Variants in ADAR observed in about 807,000 individuals in gnomAD.
The protein encoded by ADAR is double-stranded RNA-specific adenosine deaminase.
ADAR carries 41 observed loss-of-function variants against 113.2 expected under a neutral mutation model. The observed-to-expected ratio is 0.36, with a 90% CI of 0.28 to 0.47. The LOEUF (loss-of-function observed/expected upper bound fraction) is 0.47. Ranked by LOEUF, ADAR falls within the 20% of genes least tolerant of loss-of-function variation. The pLI, the probability that ADAR is intolerant of heterozygous loss-of-function variation, is 1.00. For synonymous variants in ADAR, 605 were observed against 572.6 expected (o/e 1.06, Z -0.81); for missense variants, 1,242 against 1,540.9 (o/e 0.81, Z 3.25).
chr1:154,588,765 A>G (rs1486980098), intron 9 of ADAR, 92 bp from the exon 10 acceptor site: 2 of 1,556,064 alleles, frequency 1.3e-6, no homozygotes, highest in African/African-American at 2.7e-5. Context: ...AAAGTAAGGA[A>G]AAGTCTCAAT....
At chr1:154,600,828 T>C (rs1697820785) in intron 2 of ADAR, 3 of 664,858 alleles carry the variant, frequency 4.5e-6, no homozygotes, top group Non-Finnish European at 7.7e-6. Flanking sequence ...ACCTCCCCCT[T>C]GTTCAGCCAA....
chr1:154,590,507 C>T, intron 6 of ADAR, 98 bp from the exon 7 acceptor site: 1 of 1,163,796 alleles, frequency 8.6e-7, no homozygotes, highest in Non-Finnish European at 1.3e-6. Flanking sequence ...GTCTTGCAAA[C>T]ATATGGACCC....
chr1:154,589,314 G>A, intron 9 of ADAR, 55 bp downstream of exon 9: 1 of 1,404,702 alleles, frequency 7.1e-7, no homozygotes, highest in Non-Finnish European at 1.0e-6. Flanking sequence ...TGTGGGGCAG[G>A]GAACTGGAGC....
chr1:154,622,160 C>T lies in ADAR; in HGVS notation c.-871+5695G>A, dbSNP rs116739661. On this transcript the variant is annotated intron_variant, in intron 1 of 14. Transcript: ENST00000368471. ...GAGTGGGCTCTGAGCCACTGATTCC[C>T]CACCTGGCTCTGCCACATATCCTGC... Among the ~76,000 whole-genome samples, 1,183 of 152,236 alleles carry T rather than the reference C, an allele frequency of 7.8e-3. 21 individuals are homozygous for T. The highest frequency in any genetic ancestry group is 0.027 in the African/African-American group (1,114 of 41,540).
chr1:154,592,048 TGATA>T (rs1221765727), intron 6 of ADAR, among the ~76,000 whole-genome samples: 3 of 152,212 alleles, frequency 2.0e-5, no homozygotes, highest in Admixed American at 1.3e-4. Context: ...TTTACATATA[TGATA>T]AAGTTTGTTA....
At chr1:154,617,511 G>A (rs923320955) in intron 1 of ADAR, among the ~76,000 whole-genome samples, 5 of 152,098 alleles carry the variant, frequency 3.3e-5, no homozygotes, top group African/African-American at 7.2e-5. Flanking sequence ...AGATGTGTGA[G>A]GACCCCTTAA....
In ADAR at chr1:154,598,462, G is replaced by A. The variant is rs144279106; in HGVS notation, c.1725C>T (p.Ala575=). 3.5e-4 allele frequency: 568 copies of A among 1,614,070 alleles called. No individual in the cohort carries two copies. The highest frequency in any genetic ancestry group is 4.7e-4 in the Non-Finnish European group (556 of 1,180,044). ...AMTILLEEAK[A]KDSGKSEESS... is the part of the protein sequence containing the mutation. ...ATTCTTCTGATTTTCCACTGTCCTT[G>A]GCTTTGGCTTCCTCTAGCAGAATTG... The change falls in exon 3 of 15, where the codon GCC becomes GCT. Residue 575 remains alanine, a synonymous_variant. Transcript: ENST00000368474.
At chr1:154,589,564 A>T in intron 8 of ADAR, 102 bp from the exon 9 acceptor site, 2 of 1,229,228 alleles carry the variant, frequency 1.6e-6, no homozygotes, top group Non-Finnish European at 2.4e-6. Context: ...AAACAGCCTC[A>T]GTTTCTCAGA....
rs1336346970 is a variant in ADAR at position 154,599,121 on chromosome 1, G to A, written c.1602-536C>T. Among the ~76,000 whole-genome samples the A allele has an allele frequency of 2.0e-5, 3 of 152,258 alleles. No individual in the cohort carries two copies. In the East Asian group the frequency reaches 5.8e-4, roughly 29 times the overall value. On this transcript the variant is annotated intron_variant, in intron 2 of 14. Transcript: ENST00000368474. The stretch of plus-strand genomic sequence containing the variant: ...CCTATATCACCGTAGTTTGTTATGA[G>A]TCACTCTATAGCACCATTTGTCTCC...
rs368948193 is a variant in ADAR at position 154,588,667 on chromosome 1, G to A, written c.2769C>T (p.Leu923=). The change falls in exon 10 of 15, where the codon CTC becomes CTT. Residue 923 remains leucine (L), a synonymous_variant. Transcript: ENST00000368474. ...AGTTGTATTTCATTAACTCACTGTA[G>A]AGAAACCTACAAAAAGAAAGTCTGG... The part of the protein sequence containing the change: ...IISRRGFIRF[L]YSELMKYNSQ... The A allele has an allele frequency of 3.7e-6, 6 of 1,614,154 alleles. No individual in the cohort carries two copies. In the East Asian group the frequency reaches 6.7e-5, roughly 18 times the overall value.
chr1:154,595,748 G>C (rs1168360703), intron 6 of ADAR, among the ~76,000 whole-genome samples: 1 of 152,162 alleles, frequency 6.6e-6, no homozygotes, highest in Non-Finnish European at 1.5e-5. Context: ...TAGCCTAAGT[G>C]AACAGTGTTT....
chr1:154,615,217 G>C (rs1205575417), intron 1 of ADAR, among the ~76,000 whole-genome samples: 1 of 152,144 alleles, frequency 6.6e-6, no homozygotes, highest in Non-Finnish European at 1.5e-5. Flanking sequence ...CCTAGTTTGT[G>C]GTTATTTTTT....
At position 154,583,817 on chromosome 1, in the gene ADAR, G is replaced by A. The variant is rs1485739737; in HGVS notation, c.*989C>T. The A allele has an allele frequency of 3.3e-5, 5 of 152,206 alleles. No individual in the cohort carries two copies. Among genetic ancestry groups the A allele is most frequent in the Non-Finnish European group, 1.5e-5 (1 of 68,026 alleles). The allele number at this position is 152,206 out of a possible 1,614,324, so 9.4% of individuals were successfully genotyped here. ...GTGGAACAGTGACGTTAAGCCAACAGGATTTTTTGCCCTTATTCTTGCTAA... is the reference window on the plus strand; with the variant it reads ...GTGGAACAGTGACGTTAAGCCAACAAGATTTTTTGCCCTTATTCTTGCTAA... On this transcript the variant is annotated 3_prime_UTR_variant, in exon 15 of 15. Transcript: ENST00000368474.
intron 1 of ADAR, among the ~76,000 whole-genome samples, chr1:154,607,411 C>T (rs913510864): frequency 3.3e-5 from 5 of 152,178 alleles, no homozygotes; most frequent in African/African-American, 7.2e-5. Flanking sequence ...CAAGCTTTCT[C>T]CTACAGCTTA....
chr1:154,609,998 T>C (rs1214437771), upstream of ADAR, among the ~76,000 whole-genome samples: 1 of 152,166 alleles, frequency 6.6e-6, no homozygotes, highest in Non-Finnish European at 1.5e-5. Context: ...GACCCCTCAG[T>C]AGGTATAACA....
chr1:154,585,961 T>C (rs1302179665), intron 12 of ADAR, 96 bp from the exon 13 acceptor site: 4 of 1,288,466 alleles, frequency 3.1e-6, no homozygotes, highest in Non-Finnish European at 3.3e-6. Context: ...CAAGATATAG[T>C]TGTCAAGAAA....
Position 154,597,813 on chromosome 1 carries a change from A to G in ADAR, c.1934+15T>C. 1 of 1,614,116 alleles carries G rather than the reference A, an allele frequency of 6.2e-7. No homozygotes were observed. The highest frequency in any genetic ancestry group is 8.5e-7 in the Non-Finnish European group (1 of 1,180,016). On this transcript the variant is annotated intron_variant, in intron 4 of 14. Transcript: ENST00000368474. ...TGAGAAAACCTCAGCTGGACAGAGG[A>G]CACGTAGGACATACTTGGGTTCATG...
intron 6 of ADAR, among the ~76,000 whole-genome samples, chr1:154,592,580 A>T (rs1034240881): frequency 6.6e-6 from 1 of 152,156 alleles, no homozygotes; most frequent in African/African-American, 2.4e-5. Flanking sequence ...AAGTATAACC[A>T]ATAGGACTTA....
rs939528347 is a variant in ADAR at position 154,590,053 on chromosome 1, C to A, written c.2497-125G>T. The stretch of plus-strand genomic sequence containing the variant: ...ATCTTTTCCTTCTTACATCTAGTGT[C>A]CCAGTTACTGCTCTCTCGAGGCTAA... On this transcript the variant is annotated intron_variant, in intron 7 of 14. Transcript: ENST00000368474. The A allele has an allele frequency of 1.7e-5, 25 of 1,479,216 alleles. No homozygotes were observed. The Middle Eastern group carries it at 6.5e-4, about 38-fold the overall frequency. 91.6% of individuals were successfully genotyped at this position (1,479,216 alleles called of 1,614,324 possible). A position where few individuals can be genotyped will look rare whatever the true frequency, so the allele number is the denominator to read the frequency against.
Sources: gnomAD v4.1 joint callset for allele counts (sites outside exome capture counted in the v4.1 genomes callset) on GRCh38, gnomAD v4.1.1 for gene constraint, MANE v1.5 for transcripts, NCBI Gene and HGNC (gene_info 2026-07-23, HGNC 2026-07-21) for gene names.